ANXA8: variants seen among roughly 807,000 people sequenced by gnomAD.
ANXA8 encodes the protein annexin A8.
ANXA8 carries 9 observed loss-of-function variants against 26.8 expected under a neutral mutation model. The ratio of observed to expected loss-of-function variants is 0.34; its 90% confidence interval spans 0.20 to 0.59. ANXA8 has a LOEUF of 0.59. ANXA8 is among the 20% of genes least tolerant of loss of function. The pLI is 0.84. For synonymous variants in ANXA8, 39 were observed against 94.8 expected (o/e 0.41, Z 3.42); for missense variants, 83 against 238.5 (o/e 0.35, Z 4.29).
the ANXA8 span, among the ~76,000 whole-genome samples, chr10:47,633,629 T>G: frequency 8.7e-6 from 1 of 114,512 alleles, no homozygotes; most frequent in Non-Finnish European, 1.7e-5. Context: ...TATATAATAC[T>G]TCAGGTATCC....
At chr10:47,652,887 A>G in the ANXA8 span, among the ~76,000 whole-genome samples, 1 of 150,528 alleles carries the variant, frequency 6.6e-6, no homozygotes, top group South Asian at 2.1e-4. Context: ...ATTTATATTT[A>G]TATTATATTT....
the ANXA8 span, among the ~76,000 whole-genome samples, chr10:47,944,826 A>C: frequency 6.7e-6 from 1 of 148,912 alleles, no homozygotes; most frequent in Non-Finnish European, 1.5e-5. Flanking sequence ...CAGTGTGAGA[A>C]TGAGCTAATA....
chr10:47,593,398 C>G, the ANXA8 span, among the ~76,000 whole-genome samples: 3 of 149,808 alleles, frequency 2.0e-5, no homozygotes, highest in Non-Finnish European at 4.4e-5. Flanking sequence ...TCTCCCCTCC[C>G]CAGTGCACTG....
the ANXA8 span, among the ~76,000 whole-genome samples, chr10:47,982,814 A>ATATATATATATATATATG: frequency 3.2e-4 from 19 of 60,102 alleles, no homozygotes; most frequent in African/African-American, 1.1e-3. Flanking sequence ...ATATATATAT[A>ATATATATATATATATATG]TATATATATA....
upstream of ANXA8, among the ~76,000 whole-genome samples, chr10:47,486,354 C>T (rs1347774104): frequency 1.4e-5 from 2 of 144,638 alleles, no homozygotes; most frequent in Non-Finnish European, 3.0e-5. Flanking sequence ...CCTCCCTTAG[C>T]ATGTCTTGAA....
chr10:47,571,935 AC>A, the ANXA8 span, among the ~76,000 whole-genome samples: 1 of 145,164 alleles, frequency 6.9e-6, no homozygotes, highest in African/African-American at 2.7e-5. Flanking sequence ...ACTGCACCTG[AC>A]CAGTATTGCC....
At chr10:47,952,317 G>A in the ANXA8 span, among the ~76,000 whole-genome samples, 2 of 151,464 alleles carry the variant, frequency 1.3e-5, no homozygotes, top group Non-Finnish European at 2.9e-5. Context: ...TTCGAAAGGA[G>A]GAGGTAAAAC....
At chr10:47,981,034 AT>A in the ANXA8 span, among the ~76,000 whole-genome samples, 1 of 151,494 alleles carries the variant, frequency 6.6e-6, no homozygotes, top group African/African-American at 2.4e-5. Flanking sequence ...TTTCATGAAT[AT>A]TAATACAAAA....
At chr10:47,497,749 C>A in the ANXA8 span, among the ~76,000 whole-genome samples, 2 of 149,570 alleles carry the variant, frequency 1.3e-5, no homozygotes, top group Admixed American at 6.7e-5. Context: ...ACCAGCCTGG[C>A]GAACATGGTG....
At chr10:47,586,423 GCT>G in the ANXA8 span, among the ~76,000 whole-genome samples, 2 of 145,710 alleles carry the variant, frequency 1.4e-5, no homozygotes, top group African/African-American at 2.8e-5. Context: ...GAGCACAATT[GCT>G]CTCTCTCACT....
chr10:47,968,691 C>G, the ANXA8 span, among the ~76,000 whole-genome samples: 6 of 150,336 alleles, frequency 4.0e-5, 1 homozygote, highest in Non-Finnish European at 8.9e-5. Context: ...TGTGGTCATT[C>G]ACAGTATGGT....
At chr10:47,495,785 G>A in the ANXA8 span, among the ~76,000 whole-genome samples, 2 of 150,902 alleles carry the variant, frequency 1.3e-5, no homozygotes, top group Non-Finnish European at 2.9e-5. Context: ...GACACCAGCA[G>A]AACCAACGCA....
At chr10:47,966,992 A>G in the ANXA8 span, among the ~76,000 whole-genome samples, 1 of 149,588 alleles carries the variant, frequency 6.7e-6, no homozygotes, top group Non-Finnish European at 1.5e-5. Flanking sequence ...CTAAAATTTT[A>G]TCCCAAATGG....
chr10:47,944,333 C>A, the ANXA8 span, among the ~76,000 whole-genome samples: 2 of 148,898 alleles, frequency 1.3e-5, no homozygotes, highest in Non-Finnish European at 3.0e-5. Flanking sequence ...TGGGTAAACA[C>A]CGTCAATCTA....
chr10:47,535,743 A>AGAT, the ANXA8 span, among the ~76,000 whole-genome samples: 2 of 50,760 alleles, frequency 3.9e-5, no homozygotes, highest in Non-Finnish European at 6.7e-5. Context: ...GGCCCCCCAA[A>AGAT]GATGTCCACA....
At chr10:47,651,295 A>C in the ANXA8 span, among the ~76,000 whole-genome samples, 2 of 149,732 alleles carry the variant, frequency 1.3e-5, no homozygotes, top group Non-Finnish European at 2.9e-5. Context: ...AAAAAAAAAA[A>C]AACCCAAAAA....
the ANXA8 span, among the ~76,000 whole-genome samples, chr10:47,896,057 CA>C: frequency 6.7e-6 from 1 of 149,452 alleles, no homozygotes; most frequent in Admixed American, 6.7e-5. Flanking sequence ...CCACAGCAGG[CA>C]AACCTCTTGG....
chr10:47,941,682 T>C, the ANXA8 span, among the ~76,000 whole-genome samples: 1 of 147,460 alleles, frequency 6.8e-6, no homozygotes, highest in Non-Finnish European at 1.5e-5. Context: ...TCAGTTCTTA[T>C]GCTGTGCCAG....
At chr10:47,658,311 G>A in the ANXA8 span, among the ~76,000 whole-genome samples, 9 of 151,358 alleles carry the variant, frequency 5.9e-5, no homozygotes, top group Admixed American at 2.0e-4. Context: ...ACTTGAACCC[G>A]GGAGACGGAG....
Sources: allele counts gnomAD v4.1 joint callset (sites outside exome capture counted in the v4.1 genomes callset), GRCh38; gene constraint gnomAD v4.1.1; transcripts MANE v1.5; gene names NCBI Gene and HGNC (gene_info 2026-07-23, HGNC 2026-07-21).